POLR1A: variants seen among roughly 807,000 people sequenced by gnomAD.
The protein encoded by POLR1A is RNA polymerase I subunit A.
Under a neutral mutation model 205.3 loss-of-function variants are expected in POLR1A, and 84 were observed. That is an observed-to-expected ratio of 0.41 (90% CI 0.34 to 0.49). POLR1A has a LOEUF of 0.49. POLR1A is among the 20% of genes least tolerant of loss of function. POLR1A has a pLI of 0.22. For missense variants in POLR1A, 1,645 were observed against 2,204.5 expected, an observed-to-expected ratio of 0.75 and a Z score of 5.08; for synonymous variants, 799 against 863.7, an observed-to-expected ratio of 0.93 and a Z score of 1.31.
chr2:86,084,428 CACAAAACAAA>C (rs1311662668), intron 6 of POLR1A, among the ~76,000 whole-genome samples: 2 of 150,476 alleles, frequency 1.3e-5, no homozygotes, highest in African/African-American at 4.9e-5. Context: ...AAAAAAAAAA[CACAAAACAAA>C]ACAAAACAAA....
chr2:86,027,662 G>T, intron 33 of POLR1A, 139 bp from the exon 34 acceptor site: 1 of 848,482 alleles, frequency 1.2e-6, no homozygotes, highest in Non-Finnish European at 1.9e-6. Flanking sequence ...TCACGAGGCA[G>T]CCCCCCTCTA....
At chr2:86,040,353 T>TA (rs1672579799) in intron 25 of POLR1A, 39 bp downstream of exon 25, 2 of 1,519,750 alleles carry the variant, frequency 1.3e-6, no homozygotes, top group Non-Finnish European at 1.8e-6. Flanking sequence ...CAGGAGAGGC[T>TA]AGGACAGACC....
chr2:86,052,697 G>T (rs987782453), intron 16 of POLR1A, 120 bp downstream of exon 16: 2 of 773,676 alleles, frequency 2.6e-6, no homozygotes, highest in East Asian at 3.0e-5. Flanking sequence ...TCTCCACTGG[G>T]AACACACAGA....
chr2:86,064,891 C>T (rs1673059183), intron 14 of POLR1A, among the ~76,000 whole-genome samples: 1 of 151,970 alleles, frequency 6.6e-6, no homozygotes, highest in Non-Finnish European at 1.5e-5. Flanking sequence ...GATTCTCTTG[C>T]CTCAGCCTCC....
chr2:86,104,203 G>A (rs897653452), intron 1 of POLR1A, among the ~76,000 whole-genome samples: 1 of 152,100 alleles, frequency 6.6e-6, no homozygotes, highest in African/African-American at 2.4e-5. Flanking sequence ...TGTAAGGGGA[G>A]GGTGGAAGGA....
chr2:86,062,342 AG>A (rs1368179013), intron 14 of POLR1A, among the ~76,000 whole-genome samples: 1 of 152,252 alleles, frequency 6.6e-6, no homozygotes, highest in Admixed American at 6.5e-5. Flanking sequence ...GGATTTGAAA[AG>A]GATCCAAGGT....
rs774779607 is a variant in POLR1A, at chr2:86,052,966, A to C, written c.2243T>G (p.Val748Gly). The C allele has an allele frequency of 6.2e-7, 1 of 1,603,318 alleles. No individual in the cohort carries two copies. Among genetic ancestry groups the C allele is most frequent in the Non-Finnish European group, 8.5e-7 (1 of 1,174,734 alleles). The change falls in exon 16 of 34, where the codon GTG (valine) becomes GGG (glycine). Residue 748 changes from valine to glycine, a missense_variant. Transcript: ENST00000263857. The stretch of plus-strand genomic sequence containing the variant: ...GCTCCCATAGTGCGCCTTGTCCAGC[A>C]CTCCGCAGAGCAGCTCCCCTTCCCT... ...IIREGELLCG[V>G]LDKAHYGSSA... is the part of the protein sequence containing the mutation.
intron 18 of POLR1A, 149 bp downstream of exon 18, chr2:86,048,735 G>A (rs1250433169): frequency 1.3e-5 from 9 of 684,204 alleles, no homozygotes; most frequent in Middle Eastern, 7.1e-4. Flanking sequence ...TCAAAACAAC[G>A]AGTTCTACCC....
rs374028908 is a variant in POLR1A, at chr2:86,093,751, C to T, written c.433-3822G>A. On this transcript the variant is annotated intron_variant, in intron 3 of 33. Transcript: ENST00000263857. Reference sequence around the variant, plus strand: ...AGGCTGAGGTGGGAGATCGCTTGAACCCCGGAGGCAGAGGTTGCAGAGAGC... The same window carrying T: ...AGGCTGAGGTGGGAGATCGCTTGAATCCCGGAGGCAGAGGTTGCAGAGAGC... 3.9e-5 allele frequency among the ~76,000 whole-genome samples: 6 copies of T among 152,270 alleles called. No homozygotes were observed. The South Asian group carries it at 1.2e-3, about 32-fold the overall frequency.
At chr2:86,065,036 A>C (rs1337436207) in intron 14 of POLR1A, among the ~76,000 whole-genome samples, 1 of 152,006 alleles carries the variant, frequency 6.6e-6, no homozygotes, top group Non-Finnish European at 1.5e-5. Flanking sequence ...CAGTCTCCTA[A>C]AGTGTTGGGA....
chr2:86,090,386 C>CAAA (rs56810530), intron 3 of POLR1A, among the ~76,000 whole-genome samples: 184 of 94,562 alleles, frequency 1.9e-3, no homozygotes, highest in African/African-American at 6.9e-3. Flanking sequence ...GACACCATCT[C>CAAA]AAAAAAAAAA....
At position 86,075,206 on chromosome 2, in the gene POLR1A, C is replaced by T. The variant is rs376834439; in HGVS notation, c.1435G>A (p.Glu479Lys). 1.7e-5 allele frequency: 27 copies of T among 1,612,408 alleles called. No homozygotes were observed. Among genetic ancestry groups the T allele is most frequent in the Non-Finnish European group, 2.1e-5 (25 of 1,179,262 alleles). ...PQPVTPWNVQ[E>K]LRQAVINGPN... is the part of the protein sequence containing the mutation. ...CCGTTGATGACCGCTTGCCTAAGTTCCTGAACATTCCATGGGGTAACTGGC... is the reference window on the plus strand; with the variant it reads ...CCGTTGATGACCGCTTGCCTAAGTTTCTGAACATTCCATGGGGTAACTGGC... Residue 479 changes from glutamate (E) to lysine (K), a missense_variant, in exon 12 of 34, where the codon GAA (glutamate) becomes AAA (lysine). Physicochemically the swap from Glu to Lys is moderately conservative, Grantham distance 56 (BLOSUM62 1). Coordinates refer to ENST00000263857, the MANE Select transcript of POLR1A (RefSeq NM_015425.6).
At chr2:86,099,939 G>T in intron 2 of POLR1A, 29 bp downstream of exon 2, 1 of 1,590,262 alleles carries the variant, frequency 6.3e-7, no homozygotes, top group South Asian at 1.1e-5. Flanking sequence ...CAGCAGCCCG[G>T]AGACCCACAC....
At position 86,052,893 on chromosome 2, in the gene POLR1A, C is replaced by T. The variant is rs753415817; in HGVS notation, c.2316G>A (p.Glu772=). The T allele has an allele frequency of 6.2e-7, 1 of 1,608,210 alleles. No individual in the cohort carries two copies. Among genetic ancestry groups the T allele is most frequent in the Non-Finnish European group, 8.5e-7 (1 of 1,177,256 alleles). ...GGCAGGTTAGAACCTTGCCGCTGGTCTCGCCTCCATAGATCTCATAGCAGC... is the reference window on the plus strand; with the variant it reads ...GGCAGGTTAGAACCTTGCCGCTGGTTTCGCCTCCATAGATCTCATAGCAGC... The part of the protein sequence containing the change: ...VHCCYEIYGG[E]TSGKVLTCLA... The change falls in exon 16 of 34, where the codon GAG becomes GAA. Residue 772 remains glutamate, a synonymous_variant. Transcript: ENST00000263857.
Position 86,105,836 on chromosome 2 carries a change from T to C in POLR1A, c.-60A>G. The C allele has an allele frequency of 2.1e-6, 3 of 1,424,904 alleles. No homozygotes were observed. Among genetic ancestry groups the C allele is most frequent in the Non-Finnish European group, 3.0e-6 (3 of 1,012,418 alleles). The allele number at this position is 1,424,904 out of a possible 1,614,324, so 88.3% of individuals were successfully genotyped here. A position where few individuals can be genotyped will look rare whatever the true frequency, so the allele number is the denominator to read the frequency against. On this transcript the variant is annotated 5_prime_UTR_variant, in exon 1 of 34. Coordinates refer to ENST00000263857, the MANE Select transcript of POLR1A (RefSeq NM_015425.6). ...AGACGTTCCACTCACCACCTGACTA[T>C]TCTTAATTCAACCTCAAGCCCGGAG...
At position 86,041,880 on chromosome 2, in the gene POLR1A, T is replaced by C; in HGVS notation, c.3572+9A>G. 1 of 1,609,602 alleles carries C rather than the reference T, an allele frequency of 6.2e-7. No individual in the cohort carries two copies. Among genetic ancestry groups the C allele is most frequent in the Non-Finnish European group, 8.5e-7 (1 of 1,175,858 alleles). On this transcript the variant is annotated intron_variant, in intron 24 of 33. Transcript: ENST00000263857. Reference sequence around the variant, plus strand: ...CTGCACATGTTGTGCAACAAATCACTGTCAATACCTGTCGAGAGAAAGCTC... The same window carrying C: ...CTGCACATGTTGTGCAACAAATCACCGTCAATACCTGTCGAGAGAAAGCTC...
chr2:86,100,913 G>A (rs1188708459), intron 1 of POLR1A, among the ~76,000 whole-genome samples: 1 of 152,070 alleles, frequency 6.6e-6, no homozygotes, highest in Non-Finnish European at 1.5e-5. Context: ...ACGAAACCAA[G>A]GCTCAGGGAA....
chr2:86,053,441 A>G (rs1672842048), intron 15 of POLR1A, among the ~76,000 whole-genome samples: 1 of 152,204 alleles, frequency 6.6e-6, no homozygotes. Flanking sequence ...CCTCTGGCCT[A>G]GGTACTTCCT....
At chr2:86,040,900 T>C (rs1043665044) in intron 24 of POLR1A, among the ~76,000 whole-genome samples, 10 of 152,240 alleles carry the variant, frequency 6.6e-5, no homozygotes, top group Non-Finnish European at 1.3e-4. Context: ...CACTTTTTCC[T>C]TTATCCATTC....
Sources: allele counts gnomAD v4.1 joint callset (sites outside exome capture counted in the v4.1 genomes callset), GRCh38; gene constraint gnomAD v4.1.1; transcripts MANE v1.5; gene names NCBI Gene and HGNC (gene_info 2026-07-23, HGNC 2026-07-21).